STXBP3: variants seen among roughly 807,000 people sequenced by gnomAD.
STXBP3 encodes syntaxin-binding protein 3.
STXBP3 carries 41 observed loss-of-function variants against 85.7 expected under a neutral mutation model. The observed-to-expected ratio is 0.48, with a 90% CI of 0.37 to 0.62. The LOEUF (loss-of-function observed/expected upper bound fraction) is 0.62. STXBP3 is among the 20% of genes least tolerant of loss of function. The probability of loss-of-function intolerance (pLI) is 0.00; values close to 1 mark genes in which losing one functional copy is unlikely to be tolerated. For synonymous variants in STXBP3, 229 were observed against 231.7 expected (o/e 0.99, Z 0.10); for missense variants, 563 against 703.1 (o/e 0.80, Z 2.25).
chr1:108,798,659 C>A (rs1448193493), intron 16 of STXBP3, among the ~76,000 whole-genome samples: 4 of 152,026 alleles, frequency 2.6e-5, no homozygotes, highest in Non-Finnish European at 5.9e-5. Context: ...CATGATCCAC[C>A]CACCTTGGCC....
rs1034033874 is a variant in STXBP3 at position 108,782,335 on chromosome 1, G to A, written c.810-87G>A. ...TTTACTTTTCAGTTTCTTGAGTTGT[G>A]TCTTGAAATTATTGTTTGTAAAAAT... On this transcript the variant is annotated intron_variant, in intron 9 of 18. Transcript: ENST00000370008. The A allele has an allele frequency of 4.9e-6, 5 of 1,024,296 alleles. No homozygotes were observed. In the African/African-American group the frequency reaches 6.5e-5, roughly 13 times the overall value. The allele number at this position is 1,024,296 out of a possible 1,614,324, so 63.5% of individuals were successfully genotyped here. A position where few individuals can be genotyped will look rare whatever the true frequency, so the allele number is the denominator to read the frequency against.
At chr1:108,763,182 G>A (rs924962046) in intron 6 of STXBP3, among the ~76,000 whole-genome samples, 6 of 152,322 alleles carry the variant, frequency 3.9e-5, no homozygotes, top group African/African-American at 1.2e-4. Context: ...ATTAAACTTG[G>A]AGACATAGCT....
chr1:108,802,163 G>A (rs372263023), intron 17 of STXBP3, among the ~76,000 whole-genome samples: 20 of 152,166 alleles, frequency 1.3e-4, no homozygotes, highest in East Asian at 1.2e-3. Context: ...TTGGGAGGCC[G>A]AGGCGGGCAG....
rs1176042303 is a variant in STXBP3, at chr1:108,746,713, G to T, written c.-25G>T. On this transcript the variant is annotated 5_prime_UTR_variant, in exon 1 of 19. Coordinates refer to ENST00000370008, the MANE Select transcript of STXBP3 (RefSeq NM_007269.4). ...AGTAGGTTGGGAGTGGAAGGTGGTG[G>T]CTGCTGCTCCGCAGTGTCGGGAAGA... The T allele has an allele frequency of 1.9e-6, 3 of 1,548,048 alleles. No individual in the cohort carries two copies. In the South Asian group the frequency reaches 3.6e-5, roughly 18 times the overall value.
At chr1:108,782,729 A>C in intron 11 of STXBP3, 23 bp downstream of exon 11, 1 of 1,554,722 alleles carries the variant, frequency 6.4e-7, no homozygotes, top group Non-Finnish European at 8.7e-7. Flanking sequence ...CTTAACTTTC[A>C]AAGTAATAGT....
chr1:108,764,960 A>G (rs181500760), intron 6 of STXBP3, among the ~76,000 whole-genome samples: 1 of 152,302 alleles, frequency 6.6e-6, no homozygotes, highest in African/African-American at 2.4e-5. Context: ...GCCAGTTCCT[A>G]CGTCCAGAAT....
At chr1:108,784,414 C>T (rs1662783809) in intron 11 of STXBP3, among the ~76,000 whole-genome samples, 1 of 152,186 alleles carries the variant, frequency 6.6e-6, no homozygotes, top group Non-Finnish European at 1.5e-5. Flanking sequence ...GGGTAAGCCC[C>T]TTATAAAACC....
At chr1:108,767,997 G>A (rs1178733076) in intron 6 of STXBP3, among the ~76,000 whole-genome samples, 1 of 152,118 alleles carries the variant, frequency 6.6e-6, no homozygotes, top group Non-Finnish European at 1.5e-5. Context: ...TAAGTGCATG[G>A]GAAACTGAGA....
chr1:108,794,588 A>T (rs1177854571), intron 12 of STXBP3, among the ~76,000 whole-genome samples: 1 of 152,216 alleles, frequency 6.6e-6, no homozygotes, highest in Non-Finnish European at 1.5e-5. Flanking sequence ...GGTCCCTCCC[A>T]CAACACATGG....
intron 17 of STXBP3, among the ~76,000 whole-genome samples, chr1:108,802,535 A>G (rs928483718): frequency 3.9e-5 from 6 of 152,200 alleles, no homozygotes; most frequent in African/African-American, 1.2e-4. Flanking sequence ...CCAATGCAGT[A>G]AAGCTATAAC....
intron 12 of STXBP3, among the ~76,000 whole-genome samples, chr1:108,794,251 C>G (rs1239481654): frequency 6.6e-6 from 1 of 152,168 alleles, no homozygotes; most frequent in Non-Finnish European, 1.5e-5. Context: ...CCCATTTATG[C>G]TGTCTGTTGA....
intron 1 of STXBP3, among the ~76,000 whole-genome samples, chr1:108,749,655 T>A (rs1661862256): frequency 6.6e-6 from 1 of 152,236 alleles, no homozygotes; most frequent in Admixed American, 6.5e-5. Flanking sequence ...TAAACATACC[T>A]ACCTGTGACT....
At chr1:108,794,166 CT>C (rs1262767368) in intron 12 of STXBP3, among the ~76,000 whole-genome samples, 1 of 152,146 alleles carries the variant, frequency 6.6e-6, no homozygotes, top group Non-Finnish European at 1.5e-5. Context: ...ACTTGAAGAA[CT>C]TCTGGGTATT....
chr1:108,762,752 A>G (rs1199001262), intron 6 of STXBP3, among the ~76,000 whole-genome samples: 1 of 152,128 alleles, frequency 6.6e-6, no homozygotes, highest in African/African-American at 2.4e-5. Flanking sequence ...TGTTGAAGCA[A>G]TGAACCTTCA....
chr1:108,808,093 A>G (rs921734977), intron 18 of STXBP3, among the ~76,000 whole-genome samples: 1 of 152,226 alleles, frequency 6.6e-6, no homozygotes, highest in African/African-American at 2.4e-5. Context: ...TTAAAATAGT[A>G]TGTTCTGTAC....
chr1:108,758,037 A>G (rs1462484791), intron 4 of STXBP3, among the ~76,000 whole-genome samples: 2 of 152,218 alleles, frequency 1.3e-5, no homozygotes, highest in East Asian at 1.9e-4. Context: ...CAAGCTTTGG[A>G]TCTTTCTAAT....
intron 17 of STXBP3, among the ~76,000 whole-genome samples, chr1:108,801,948 T>C (rs193080212): frequency 5.3e-5 from 8 of 152,236 alleles, no homozygotes; most frequent in African/African-American, 1.7e-4. Flanking sequence ...GGATTATAGA[T>C]GTGAGACACT....
intron 6 of STXBP3, among the ~76,000 whole-genome samples, chr1:108,762,181 G>C (rs1441973762): frequency 1.3e-5 from 2 of 152,198 alleles, no homozygotes; most frequent in African/African-American, 4.8e-5. Flanking sequence ...ACTGTGAAAA[G>C]ATGAGCAAGA....
rs1439304114 is a variant in STXBP3, at chr1:108,771,585, T to G, written c.439-1080T>G. Among the ~76,000 whole-genome samples, 42 of 13,682 alleles carry G rather than the reference T, an allele frequency of 3.1e-3. 5 individuals carry two copies. Among genetic ancestry groups the G allele is most frequent in the Non-Finnish European group, 5.9e-3 (32 of 5,452 alleles). The allele number at this position is 13,682 out of a possible 152,430, so 9.0% of individuals were successfully genotyped here. ...TATATAAATATATATGATATATATC[T>G]ATATATATCATATATAAATATATAT... On this transcript the variant is annotated intron_variant, in intron 6 of 18. Coordinates refer to ENST00000370008, the MANE Select transcript of STXBP3 (RefSeq NM_007269.4).
Sources: allele counts gnomAD v4.1 joint callset (sites outside exome capture counted in the v4.1 genomes callset), GRCh38; gene constraint gnomAD v4.1.1; transcripts MANE v1.5; gene names NCBI Gene and HGNC (gene_info 2026-07-23, HGNC 2026-07-21).